Variants in CFAP52 observed in about 807,000 individuals in gnomAD.
The protein encoded by CFAP52 is cilia and flagella associated protein 52, also known as cilia- and flagella-associated protein 52.
A neutral mutation model predicts 70.5 loss-of-function variants in CFAP52; 57 were observed. The observed-to-expected ratio is 0.81, with a 90% CI of 0.65 to 1.01. The LOEUF is 1.01. Among genes scored for constraint, CFAP52 ranks in the 50% least tolerant of loss-of-function variants. The pLI is 0.00. For missense variants in CFAP52, 785 were observed against 788.5 expected (o/e 1.00, Z 0.05); for synonymous variants, 267 against 292.5 (o/e 0.91, Z 0.89).
rs1567637198 is a variant in CFAP52 at position 9,636,231 on chromosome 17, G to GAAAGAA, written c.1472+677_1472+682dup. Among the ~76,000 whole-genome samples the GAAAGAA allele has an allele frequency of 2.7e-4, 40 of 147,360 alleles. 3 individuals carry two copies. Among genetic ancestry groups the GAAAGAA allele is most frequent in the African/African-American group, 1.0e-3 (39 of 38,118 alleles). ...AGAAAGAAAGAAAGAAAGAAAGAAA[G>GAAAGAA]AAAGAAAGAAAGAAAGAAAGAGAAA... On this transcript the variant is annotated intron_variant, in intron 11 of 13. Transcript: ENST00000352665.
chr17:9,590,282 G>A, intron 3 of CFAP52: 1 of 189,536 alleles, frequency 5.3e-6, no homozygotes. Flanking sequence ...GGCGGGCCAA[G>A]GTGTTTTCCC....
chr17:9,605,681 TGA>T (rs1024088987), intron 6 of CFAP52, among the ~76,000 whole-genome samples: 1 of 97,588 alleles, frequency 1.0e-5, no homozygotes, highest in African/African-American at 4.1e-5. Flanking sequence ...GGCGACAGAG[TGA>T]GACTCCATCT....
At chr17:9,610,498 G>C (rs1329884064) in intron 7 of CFAP52, among the ~76,000 whole-genome samples, 3 of 151,944 alleles carry the variant, frequency 2.0e-5, no homozygotes, top group Non-Finnish European at 4.4e-5. Context: ...GATCAAAATG[G>C]ACAGCTCCAG....
At chr17:9,585,053 C>T (rs913991023) in intron 1 of CFAP52, among the ~76,000 whole-genome samples, 8 of 152,126 alleles carry the variant, frequency 5.3e-5, no homozygotes, top group Non-Finnish European at 1.2e-4. Context: ...CAACCTTTGC[C>T]TGAGGTAGTT....
chr17:9,595,479 C>T (rs761143814), intron 4 of CFAP52, among the ~76,000 whole-genome samples: 4 of 149,282 alleles, frequency 2.7e-5, no homozygotes, highest in Non-Finnish European at 4.5e-5. Flanking sequence ...CAACTGACCA[C>T]GGGCTGTGGC....
chr17:9,631,016 AAGAAAGAAAGAAAGAGAGAGAGAG>A lies in CFAP52; in HGVS notation c.1175-1868_1175-1845del, dbSNP rs1174146856. 1.1e-3 allele frequency among the ~76,000 whole-genome samples: 54 copies of A among 51,168 alleles called. 2 individuals are homozygous for A. Among genetic ancestry groups the A allele is most frequent in the African/African-American group, 7.1e-3 (53 of 7,474 alleles). 33.6% of individuals were successfully genotyped at this position (51,168 alleles called of 152,430 possible). On this transcript the variant is annotated intron_variant, in intron 9 of 13. Transcript: ENST00000352665. ...AAAGAAAGAAAGAAAGAAAGAAAGAAAGAAAGAAAGAAAGAGAGAGAGAGAGAGAGAGAGAGAGAAAGAAAGAAA... is the reference window on the plus strand; with the variant it reads ...AAAGAAAGAAAGAAAGAAAGAAAGAAAGAGAGAGAGAGAGAAAGAAAGAAA...
At chr17:9,596,059 G>GTGTGTGTGTATATATA (rs1555541607) in intron 4 of CFAP52, among the ~76,000 whole-genome samples, 14 of 85,204 alleles carry the variant, frequency 1.6e-4, no homozygotes, top group South Asian at 8.9e-4. Context: ...ATATGTGTGT[G>GTGTGTGTGTATATATA]TATATATATA....
Position 9,585,945 on chromosome 17 carries a change from C to T in CFAP52, c.243C>T (p.Ser81=), listed in dbSNP as rs373499244. The change falls in exon 2 of 14, where the codon TCC becomes TCT. Residue 81 remains serine (S), a synonymous_variant. Coordinates refer to ENST00000352665, the MANE Select transcript of CFAP52 (RefSeq NM_145054.5). ...CCAGGTCTGGAGAGTACATCGCCTC[C>T]GGACAAGTCACATTCATGGGGTTCA... ...AISRSGEYIA[S]GQVTFMGFKA... 5.3e-5 allele frequency: 86 copies of T among 1,613,496 alleles called. No individual in the cohort carries two copies. In the Middle Eastern group the frequency reaches 1.2e-3, roughly 22 times the overall value.
intron 6 of CFAP52, 138 bp downstream of exon 6, chr17:9,600,321 A>C: frequency 1.4e-6 from 1 of 735,798 alleles, no homozygotes; most frequent in South Asian, 1.7e-5. Context: ...GGCTCACTGC[A>C]ACTTCTGCCT....
At chr17:9,640,895 C>T (rs570225453) in intron 12 of CFAP52, among the ~76,000 whole-genome samples, 9 of 152,186 alleles carry the variant, frequency 5.9e-5, no homozygotes, top group Non-Finnish European at 1.0e-4. Context: ...GGGCCCAACT[C>T]GGCTTCCCAA....
At chr17:9,593,004 T>C (rs545414660) in intron 3 of CFAP52, among the ~76,000 whole-genome samples, 2 of 152,314 alleles carry the variant, frequency 1.3e-5, no homozygotes, top group East Asian at 3.9e-4. Context: ...AAAGGGAGAA[T>C]TTATGGCTAT....
chr17:9,616,478 G>C (rs1285398593), intron 8 of CFAP52, among the ~76,000 whole-genome samples: 4 of 138,056 alleles, frequency 2.9e-5, no homozygotes, highest in Non-Finnish European at 4.6e-5. Context: ...CGGGAAGCTC[G>C]AACTGGGTGG....
At chr17:9,604,972 G>T (rs1909427393) in intron 6 of CFAP52, among the ~76,000 whole-genome samples, 1 of 152,110 alleles carries the variant, frequency 6.6e-6, no homozygotes, top group Non-Finnish European at 1.5e-5. Context: ...AGAGCAGTGA[G>T]TACTATTGTT....
chr17:9,589,535 C>G (rs1198432069), intron 3 of CFAP52, among the ~76,000 whole-genome samples: 1 of 152,044 alleles, frequency 6.6e-6, no homozygotes, highest in Non-Finnish European at 1.5e-5. Flanking sequence ...GAGTTTGAGA[C>G]CAGCCTAGCC....
intron 9 of CFAP52, 71 bp from the exon 10 acceptor site, chr17:9,632,817 G>A (rs1184470816): frequency 1.3e-6 from 2 of 1,555,618 alleles, no homozygotes; most frequent in East Asian, 2.3e-5. Flanking sequence ...TCTCCTTAGT[G>A]AGGCCAGCAG....
intron 8 of CFAP52, among the ~76,000 whole-genome samples, chr17:9,614,674 C>A (rs79224292): frequency 0.071 from 10,768 of 152,236 alleles, 403 homozygotes; most frequent in South Asian, 0.11. Context: ...GATTTCTCAA[C>A]CTCCGCACTA....
chr17:9,598,105 T>C, intron 4 of CFAP52, 129 bp from the exon 5 acceptor site: 1 of 661,182 alleles, frequency 1.5e-6, no homozygotes, highest in Non-Finnish European at 2.6e-6. Context: ...TAAAAGATCT[T>C]TCATAGTGCA....
intron 10 of CFAP52, among the ~76,000 whole-genome samples, chr17:9,633,675 CTTTTTTT>C (rs555923244): frequency 1.4e-5 from 2 of 138,544 alleles, no homozygotes; most frequent in African/African-American, 2.6e-5. Flanking sequence ...GTCATCTTAT[CTTTTTTT>C]TTTTTTTTTA....
intron 3 of CFAP52, among the ~76,000 whole-genome samples, chr17:9,589,016 C>T (rs564860142): frequency 2.0e-5 from 3 of 151,856 alleles, no homozygotes; most frequent in South Asian, 2.1e-4. Context: ...GCAGGAGAAT[C>T]ACTTGAACCT....
Sources: gnomAD v4.1 joint callset for allele counts (sites outside exome capture counted in the v4.1 genomes callset) on GRCh38, gnomAD v4.1.1 for gene constraint, MANE v1.5 for transcripts, NCBI Gene and HGNC (gene_info 2026-07-23, HGNC 2026-07-21) for gene names.